Variants in ANKRD11 observed in about 807,000 individuals in gnomAD.
The protein encoded by ANKRD11 is ankyrin repeat domain 11, also known as ankyrin repeat domain-containing protein 11.
In ANKRD11, 17 loss-of-function variants were observed where a neutral mutation model predicts 195.7. The observed-to-expected ratio is 0.09, with a 90% CI of 0.06 to 0.13. ANKRD11 has a LOEUF of 0.13. Ranked by LOEUF, ANKRD11 falls within the 10% of genes least tolerant of loss-of-function variation. The pLI is 1.00. For synonymous variants in ANKRD11, 1,953 were observed against 1,528.1 expected, an observed-to-expected ratio of 1.28 and a Z score of -6.49; for missense variants, 3,735 against 3,566.1, an observed-to-expected ratio of 1.05 and a Z score of -1.21.
At chr16:89,287,876 C>T (rs904816596) in intron 7 of ANKRD11, 5 of 320,222 alleles carry the variant, frequency 1.6e-5, no homozygotes, top group Non-Finnish European at 2.9e-5. Flanking sequence ...GCAGATGTGG[C>T]CCCGTGTGAC....
At chr16:89,393,071 C>A (rs2041267762) in intron 2 of ANKRD11, among the ~76,000 whole-genome samples, 2 of 152,180 alleles carry the variant, frequency 1.3e-5, no homozygotes, top group Non-Finnish European at 2.9e-5. Flanking sequence ...CTCCGGCAAG[C>A]CCAGTCCCCA....
chr16:89,294,192 C>T (rs573970008), intron 4 of ANKRD11, among the ~76,000 whole-genome samples: 1 of 152,292 alleles, frequency 6.6e-6, no homozygotes, highest in East Asian at 1.9e-4. Flanking sequence ...GCTTCCCTTA[C>T]GCGGCCAGGA....
At chr16:89,448,452 TCA>T (rs1008665059) in intron 1 of ANKRD11, among the ~76,000 whole-genome samples, 3 of 152,208 alleles carry the variant, frequency 2.0e-5, no homozygotes, top group Non-Finnish European at 4.4e-5. Context: ...ACGAAAGTAC[TCA>T]AAGTCTTGGC....
At chr16:89,300,201 G>C in intron 4 of ANKRD11, 1 of 224,974 alleles carries the variant, frequency 4.4e-6, no homozygotes, top group Non-Finnish European at 9.0e-6. Flanking sequence ...CCTGCCCTGT[G>C]TGGGGTGTGT....
At chr16:89,441,950 C>G (rs905075811) in intron 1 of ANKRD11, among the ~76,000 whole-genome samples, 2 of 152,230 alleles carry the variant, frequency 1.3e-5, no homozygotes, top group Non-Finnish European at 2.9e-5. Flanking sequence ...CCCAAAGCCA[C>G]CAGACCTCCG....
chr16:89,439,604 A>G (rs964127072), intron 1 of ANKRD11, among the ~76,000 whole-genome samples: 1 of 152,228 alleles, frequency 6.6e-6, no homozygotes, highest in African/African-American at 2.4e-5. Flanking sequence ...ACAGCGCCTC[A>G]GCAATTGAGG....
chr16:89,306,216 A>C (rs1356826688), intron 3 of ANKRD11, among the ~76,000 whole-genome samples: 2 of 33,832 alleles, frequency 5.9e-5, no homozygotes, highest in African/African-American at 1.3e-4. Context: ...CGCGCCACCT[A>C]CCTCCCACTC....
At chr16:89,270,593 T>A (rs2033057742) in intron 12 of ANKRD11, 1 of 590,426 alleles carries the variant, frequency 1.7e-6, no homozygotes, top group Non-Finnish European at 3.1e-6. Context: ...AGCCGCTCCC[T>A]GCACACCGGG....
At chr16:89,347,054 C>T (rs1442272413) in intron 2 of ANKRD11, among the ~76,000 whole-genome samples, 1 of 152,068 alleles carries the variant, frequency 6.6e-6, no homozygotes, top group African/African-American at 2.4e-5. Flanking sequence ...CTCTGCTGGG[C>T]GAAAGGCCAG....
intron 2 of ANKRD11, among the ~76,000 whole-genome samples, chr16:89,394,498 G>C (rs749136779): frequency 1.4e-4 from 22 of 152,074 alleles, no homozygotes; most frequent in Non-Finnish European, 2.4e-4. Context: ...CGTGGTGGCA[G>C]GCACCTGTAA....
intron 1 of ANKRD11, among the ~76,000 whole-genome samples, chr16:89,440,241 T>C (rs1288582010): frequency 6.6e-6 from 1 of 152,194 alleles, no homozygotes; most frequent in Admixed American, 6.5e-5. Context: ...TTTATCAATA[T>C]GTTCACGTAA....
At chr16:89,427,861 G>C (rs2152260697) in intron 1 of ANKRD11, among the ~76,000 whole-genome samples, 1 of 151,976 alleles carries the variant, frequency 6.6e-6, no homozygotes, top group South Asian at 2.1e-4. Flanking sequence ...AATTATTAAG[G>C]GGGCAAAATA....
rs138543822 is a variant in ANKRD11 at position 89,282,569 on chromosome 16, A to G, written c.3973T>C (p.Phe1325Leu). 50 of 1,613,996 alleles carry G rather than the reference A, an allele frequency of 3.1e-5. No homozygotes were observed. The East Asian group carries it at 5.8e-4, about 19-fold the overall frequency. The stretch of plus-strand genomic sequence containing the variant: ...TTGTCGTCTCCAGGTGGCTCCGTGA[A>G]AGAGACCTCCAGGAAGGCAGTCAGC... The part of the protein sequence containing the change: ...PGLTAFLEVS[F>L]TEPPGDDKPR... The change falls in exon 9 of 13, where the codon TTC becomes CTC. Residue 1325 changes from phenylalanine (F) to leucine (L), a missense_variant. By Grantham distance (22) the Phe-to-Leu change is conservative. Transcript: ENST00000301030.
intron 2 of ANKRD11, among the ~76,000 whole-genome samples, chr16:89,378,623 T>C (rs1388236137): frequency 1.3e-5 from 2 of 152,208 alleles, no homozygotes; most frequent in African/African-American, 4.8e-5. Flanking sequence ...AGTGCTCAAG[T>C]AGCTTCTCTT....
intron 1 of ANKRD11, among the ~76,000 whole-genome samples, chr16:89,447,673 G>A (rs1420605108): frequency 3.3e-5 from 5 of 152,172 alleles, no homozygotes; most frequent in Admixed American, 6.5e-5. Context: ...CACTGCATCC[G>A]GACACGCAGG....
chr16:89,386,929 C>T (rs2040938122), intron 2 of ANKRD11, among the ~76,000 whole-genome samples: 1 of 152,112 alleles, frequency 6.6e-6, no homozygotes, highest in Admixed American at 6.5e-5. Flanking sequence ...CCTCGACCAC[C>T]GAGTCAAGGG....
intron 2 of ANKRD11, chr16:89,395,978 C>T (rs1488101216): frequency 6.6e-6 from 1 of 152,192 alleles, no homozygotes; most frequent in African/African-American, 2.4e-5. Context: ...GGCCTCTGGA[C>T]AGGAAGCACC....
chr16:89,441,607 A>G (rs1231855115), intron 1 of ANKRD11, among the ~76,000 whole-genome samples: 1 of 151,724 alleles, frequency 6.6e-6, no homozygotes, highest in Non-Finnish European at 1.5e-5. Flanking sequence ...CTCTACTAAA[A>G]ATACAAAAAA....
intron 2 of ANKRD11, among the ~76,000 whole-genome samples, chr16:89,372,015 G>C (rs1225234142): frequency 6.6e-6 from 1 of 152,236 alleles, no homozygotes; most frequent in Non-Finnish European, 1.5e-5. Context: ...CACGGGCCAA[G>C]AACATGGTGA....
Sources: allele counts gnomAD v4.1 joint callset (sites outside exome capture counted in the v4.1 genomes callset), GRCh38; gene constraint gnomAD v4.1.1; transcripts MANE v1.5; gene names NCBI Gene and HGNC (gene_info 2026-07-23, HGNC 2026-07-21).